Variants in TMEM87B observed in about 807,000 individuals in gnomAD.
TMEM87B encodes transmembrane protein 87B.
TMEM87B carries 83 observed loss-of-function variants against 80.3 expected under a neutral mutation model. The ratio of observed to expected loss-of-function variants is 1.03; its 90% confidence interval spans 0.87 to 1.24. The LOEUF (loss-of-function observed/expected upper bound fraction) is 1.24, where lower values mean the gene tolerates loss of function less well. Ranked by LOEUF, TMEM87B falls within the 50% of genes most tolerant of loss-of-function variation. The pLI is 0.00. For synonymous variants in TMEM87B, 219 were observed against 230.5 expected, an observed-to-expected ratio of 0.95 and a Z score of 0.45; for missense variants, 625 against 674.4, an observed-to-expected ratio of 0.93 and a Z score of 0.81.
At chr2:112,060,638 G>A (rs966788607) in intron 2 of TMEM87B, among the ~76,000 whole-genome samples, 7 of 151,642 alleles carry the variant, frequency 4.6e-5, no homozygotes, top group South Asian at 4.2e-4. Context: ...TCAGGTTCAA[G>A]TGATTCTCCT....
intron 1 of TMEM87B, among the ~76,000 whole-genome samples, chr2:112,056,152 C>G (rs1167639558): frequency 6.6e-6 from 1 of 152,108 alleles, no homozygotes; most frequent in Admixed American, 6.6e-5. Flanking sequence ...TGGGCCACAC[C>G]CCTGAGGCCG....
At chr2:112,058,174 G>A (rs1208539798) in intron 1 of TMEM87B, among the ~76,000 whole-genome samples, 1 of 152,174 alleles carries the variant, frequency 6.6e-6, no homozygotes, top group Non-Finnish European at 1.5e-5. Context: ...GAAGAGGAGG[G>A]GAACAGAGCA....
intron 1 of TMEM87B, 94 bp downstream of exon 1, chr2:112,055,850 C>G (rs896498676): frequency 2.8e-5 from 39 of 1,375,476 alleles, no homozygotes; most frequent in Non-Finnish European, 3.4e-5. Context: ...CACCCTGCCT[C>G]TGCCGGGTCA....
At chr2:112,100,909 G>A (rs1380446745) in intron 15 of TMEM87B, among the ~76,000 whole-genome samples, 1 of 152,120 alleles carries the variant, frequency 6.6e-6, no homozygotes, top group Non-Finnish European at 1.5e-5. Flanking sequence ...TACTCATTTC[G>A]TAAAATGTTG....
At chr2:112,097,484 TG>T (rs556290907) in intron 13 of TMEM87B, among the ~76,000 whole-genome samples, 193 bp downstream of exon 13, 4 of 152,240 alleles carry the variant, frequency 2.6e-5, no homozygotes, top group African/African-American at 7.2e-5. Context: ...CTCAGCACTC[TG>T]GGAGGCCGAG....
At chr2:112,115,792 T>A (rs911610862) in intron 18 of TMEM87B, among the ~76,000 whole-genome samples, 4 of 152,118 alleles carry the variant, frequency 2.6e-5, no homozygotes. Context: ...GATTATATGG[T>A]TATTTTTTAA....
rs1316542549 is a variant in TMEM87B at position 112,072,403 on chromosome 2, G to T, written c.451-2509G>T. ...GTAGAATTTAGCTGTGAATCCATCTGGTCTTCGGCCTTTTTTTGGTTGGTA... is the reference window on the plus strand; with the variant it reads ...GTAGAATTTAGCTGTGAATCCATCTTGTCTTCGGCCTTTTTTTGGTTGGTA... On this transcript the variant is annotated intron_variant, in intron 4 of 18. Coordinates refer to ENST00000283206, the MANE Select transcript of TMEM87B (RefSeq NM_032824.3). Among the ~76,000 whole-genome samples, 7 of 152,096 alleles carry T rather than the reference G, an allele frequency of 4.6e-5. 1 individual carries two copies. Among genetic ancestry groups the T allele is most frequent in the South Asian group, 2.1e-4 (1 of 4,818 alleles).
chr2:112,070,228 C>G (rs771537223), intron 4 of TMEM87B, among the ~76,000 whole-genome samples: 6 of 152,062 alleles, frequency 3.9e-5, no homozygotes, highest in Non-Finnish European at 8.8e-5. Flanking sequence ...TTTTTGGCAA[C>G]TTTGTCATGA....
rs904194520 is a variant in TMEM87B at position 112,107,695 on chromosome 2, A to G, written c.1525-93A>G. 2.0e-5 allele frequency: 12 copies of G among 585,624 alleles called. No homozygotes were observed. In the African/African-American group the frequency reaches 2.3e-4, roughly 11 times the overall value. The allele number at this position is 585,624 out of a possible 1,614,324, so 36.3% of individuals were successfully genotyped here. The stretch of plus-strand genomic sequence containing the variant: ...GAAACTAAAAGAATGTCAAATATTT[A>G]CATTTAAACACTTAAGTTATATATA... On this transcript the variant is annotated intron_variant, in intron 16 of 18. Coordinates refer to ENST00000283206, the MANE Select transcript of TMEM87B (RefSeq NM_032824.3).
At chr2:112,106,386 T>A (rs1040916178) in intron 16 of TMEM87B, among the ~76,000 whole-genome samples, 1 of 152,210 alleles carries the variant, frequency 6.6e-6, no homozygotes, top group Admixed American at 6.5e-5. Flanking sequence ...GGAATCTGCT[T>A]TTTGAAAAGA....
At chr2:112,109,759 C>CTTTT (rs35553826) in intron 17 of TMEM87B, among the ~76,000 whole-genome samples, 1 of 84,948 alleles carries the variant, frequency 1.2e-5, no homozygotes. Flanking sequence ...CCTTCAGCTA[C>CTTTT]TTTTTTTTTT....
chr2:112,062,075 A>G (rs1678275102), intron 2 of TMEM87B, among the ~76,000 whole-genome samples: 1 of 152,252 alleles, frequency 6.6e-6, no homozygotes, highest in Admixed American at 6.5e-5. Flanking sequence ...TAAGTGAGTA[A>G]TTGAGTATTC....
chr2:112,095,971 A>C (rs2104492836), intron 11 of TMEM87B, among the ~76,000 whole-genome samples: 1 of 152,154 alleles, frequency 6.6e-6, no homozygotes, highest in East Asian at 1.9e-4. Flanking sequence ...ACTTCACCTG[A>C]GCCCTGTGCT....
chr2:112,070,336 T>G (rs1446024261), intron 4 of TMEM87B, among the ~76,000 whole-genome samples: 1 of 152,250 alleles, frequency 6.6e-6, no homozygotes, highest in Non-Finnish European at 1.5e-5. Context: ...TAATCCATCT[T>G]GAGTTGATTT....
chr2:112,091,432 T>A (rs1052882155), intron 10 of TMEM87B, among the ~76,000 whole-genome samples: 2 of 152,166 alleles, frequency 1.3e-5, no homozygotes, highest in African/African-American at 4.8e-5. Flanking sequence ...GGAGAGAGAT[T>A]GAAATGGCTG....
chr2:112,080,701 T>C (rs1678968398), intron 6 of TMEM87B, among the ~76,000 whole-genome samples: 2 of 152,256 alleles, frequency 1.3e-5, no homozygotes, highest in Non-Finnish European at 2.9e-5. Context: ...TACTGTTAAT[T>C]GTTTCCTTTG....
Position 112,064,167 on chromosome 2 carries a change from T to G in TMEM87B, c.232T>G (p.Ser78Ala), listed in dbSNP as rs766407553. ...NSTDIKLSVK[S>A]FHCSGPVKFT... ...GACTTTCTTTTTCTAAACAGTTAAG[T>G]CATTCCATTGTTCTGGGCCTGTGAA... Residue 78 changes from serine to alanine, a missense_variant, in exon 3 of 19, where the codon TCA becomes GCA. Transcript: ENST00000283206. 6.0e-5 allele frequency: 97 copies of G among 1,613,402 alleles called. No individual in the cohort carries two copies. Among genetic ancestry groups the G allele is most frequent in the Non-Finnish European group, 8.2e-5 (97 of 1,179,682 alleles).
rs552656347 is a variant in TMEM87B at position 112,112,985 on chromosome 2, G to A, written c.1608+56G>A. ...GCTGATATTTTCACAAAGTAGAGAT[G>A]TATTTCAGAAAGAAGTTCTGAAAGC... On this transcript the variant is annotated intron_variant, in intron 18 of 18. Transcript: ENST00000283206. 1.3e-5 allele frequency: 19 copies of A among 1,512,168 alleles called. No individual in the cohort carries two copies. The East Asian group carries it at 4.1e-4, about 33-fold the overall frequency. 93.7% of individuals were successfully genotyped at this position (1,512,168 alleles called of 1,614,324 possible).
intron 9 of TMEM87B, among the ~76,000 whole-genome samples, chr2:112,087,289 C>T (rs1055851345): frequency 6.6e-6 from 1 of 152,178 alleles, no homozygotes; most frequent in Non-Finnish European, 1.5e-5. Flanking sequence ...CTGAGGGGGC[C>T]TACTTGCCAT....
Sources: allele counts gnomAD v4.1 joint callset (sites outside exome capture counted in the v4.1 genomes callset), GRCh38; gene constraint gnomAD v4.1.1; transcripts MANE v1.5; gene names NCBI Gene and HGNC (gene_info 2026-07-23, HGNC 2026-07-21).